Variants in DOK2 observed in about 807,000 individuals in gnomAD.
The protein encoded by DOK2 is docking protein 2, also known as docking protein 2, 56kD.
A neutral mutation model predicts 26.0 loss-of-function variants in DOK2; 28 were observed. That is an observed-to-expected ratio of 1.08 (90% confidence interval 0.80 to 1.48). DOK2 has a LOEUF of 1.48. Among genes scored for constraint, DOK2 ranks in the 40% most tolerant of loss-of-function variants. The probability of loss-of-function intolerance (pLI) is 0.00; values close to 1 mark genes in which losing one functional copy is unlikely to be tolerated. For missense variants in DOK2, 682 were observed against 558.2 expected, an observed-to-expected ratio of 1.22 and a Z score of -2.23; for synonymous variants, 282 against 236.9, an observed-to-expected ratio of 1.19 and a Z score of -1.75.
chr8:21,910,681 G>A lies in DOK2; in HGVS notation c.610C>T (p.Arg204Trp), dbSNP rs766447432. The change falls in exon 4 of 5, where the codon CGG becomes TGG. Residue 204 changes from arginine (R) to tryptophan (W), a missense_variant. Coordinates refer to ENST00000276420, the MANE Select transcript of DOK2 (RefSeq NM_003974.4). Reference protein sequence around the residue: ...WPYRFLRRFGRDKVTFSFEAG... With the variant: ...WPYRFLRRFGWDKVTFSFEAG... The stretch of plus-strand genomic sequence containing the variant: ...TGCAGCTTCCCACTCACCTTGTCCC[G>A]CCCAAAGCGCCGCAGAAACCTGTAG... 19 of 1,613,520 alleles carry A rather than the reference G, an allele frequency of 1.2e-5. No individual in the cohort carries two copies. Among genetic ancestry groups the A allele is most frequent in the South Asian group, 4.4e-5 (4 of 91,032 alleles).
chr8:21,912,169 A>T (rs1170127568), intron 2 of DOK2, 60 bp downstream of exon 2: 4 of 1,484,828 alleles, frequency 2.7e-6, no homozygotes, highest in African/African-American at 2.8e-5. Context: ...GCCCACAGGA[A>T]GTATCTAACA....
rs1290796247 is a variant in DOK2 at position 21,909,949 on chromosome 8, C to T, written c.619-18G>A. ...AAGGTTACCTGGACCAGGGAGAAAG[C>T]AGGTTATTGGCCAGGCCACAGGGCA... On this transcript the variant is annotated intron_variant, in intron 4 of 4. Coordinates refer to ENST00000276420, the MANE Select transcript of DOK2 (RefSeq NM_003974.4). The T allele has an allele frequency of 6.3e-7, 1 of 1,597,072 alleles. No homozygotes were observed. Among genetic ancestry groups the T allele is most frequent in the Admixed American group, 1.7e-5 (1 of 59,414 alleles).
rs1419899604 is a variant in DOK2 at position 21,910,855 on chromosome 8, C to T, written c.436G>A (p.Gly146Ser). Residue 146 changes from glycine (G) to serine (S), a missense_variant and splice_region_variant, in exon 4 of 5, where the codon GGC (glycine) becomes AGC (serine). By Grantham distance (56) the Gly-to-Ser change is moderately conservative (BLOSUM62 0). Coordinates refer to ENST00000276420, the MANE Select transcript of DOK2 (RefSeq NM_003974.4). The part of the protein sequence containing the change: ...NELYSSAVTV[G>S]PHKEFAVTMR... The stretch of plus-strand genomic sequence containing the variant: ...GTCACAGCAAATTCCTTGTGGGGGC[C>T]GACTGGGGAGAAGAAGAGAGAGAAG... 6.2e-6 allele frequency: 10 copies of T among 1,600,798 alleles called. No individual in the cohort carries two copies. Among genetic ancestry groups the T allele is most frequent in the South Asian group, 1.1e-5 (1 of 89,720 alleles).
In DOK2 at chr8:21,909,073, A is replaced by C; in HGVS notation, c.*238T>G. On this transcript the variant is annotated 3_prime_UTR_variant, in exon 5 of 5. Transcript: ENST00000276420. The stretch of plus-strand genomic sequence containing the variant: ...CCCCAGGTTCCTCCTCAGCTGGGGA[A>C]AGAAAGAGGAGGAAGTGGAAAAAGA... The C allele has an allele frequency of 2.4e-6, 1 of 415,418 alleles. No homozygotes were observed. Among genetic ancestry groups the C allele is most frequent in the Non-Finnish European group, 4.3e-6 (1 of 233,266 alleles). 25.7% of individuals were successfully genotyped at this position (415,418 alleles called of 1,614,324 possible). A position where few individuals can be genotyped will look rare whatever the true frequency, so the allele number is the denominator to read the frequency against.
At chr8:21,912,594 G>C (rs558493086) in intron 1 of DOK2, 84 bp from the exon 2 acceptor site, 1 of 1,360,480 alleles carries the variant, frequency 7.4e-7, no homozygotes, top group Admixed American at 2.8e-5. Context: ...AAGAGGAACC[G>C]TGGGAGGGGG....
chr8:21,909,309 T>C lies in DOK2; in HGVS notation c.*2A>G, dbSNP rs1403131756. 6.6e-7 allele frequency: 1 copy of C among 1,525,092 alleles called. No homozygotes were observed. Among genetic ancestry groups the C allele is most frequent in the Non-Finnish European group, 8.8e-7 (1 of 1,136,400 alleles). 94.5% of individuals were successfully genotyped at this position (1,525,092 alleles called of 1,614,324 possible). On this transcript the variant is annotated 3_prime_UTR_variant, in exon 5 of 5. Coordinates refer to ENST00000276420, the MANE Select transcript of DOK2 (RefSeq NM_003974.4). ...CGGTGGACCATCCCTCTGCTGCCTCTGTCACTTTGGGCCTTTCTTTAGTAC... is the reference window on the plus strand; with the variant it reads ...CGGTGGACCATCCCTCTGCTGCCTCCGTCACTTTGGGCCTTTCTTTAGTAC...
Position 21,911,919 on chromosome 8 carries a change from A to G in DOK2, c.415T>C (p.Tyr139His), listed in dbSNP as rs1809862838. The G allele has an allele frequency of 6.4e-7, 1 of 1,562,592 alleles. No homozygotes were observed. Among genetic ancestry groups the G allele is most frequent in the Non-Finnish European group, 8.7e-7 (1 of 1,153,310 alleles). The change falls in exon 3 of 5, where the codon TAC becomes CAC. Residue 139 changes from tyrosine to histidine, a missense_variant. Transcript: ENST00000276420. Reference sequence around the variant, plus strand: ...CCCTCACCTGTGACTGCGCTGCTGTACAATTCATTTTCCTCCATGCAGGGC... The same window carrying G: ...CCCTCACCTGTGACTGCGCTGCTGTGCAATTCATTTTCCTCCATGCAGGGC... ...SRPCMEENEL[Y>H]SSAVTVGPHK...
chr8:21,910,037 A>G (rs1406340283), intron 4 of DOK2, 106 bp from the exon 5 acceptor site: 2 of 1,309,638 alleles, frequency 1.5e-6, no homozygotes, highest in East Asian at 4.9e-5. Flanking sequence ...GCTGGAGTGC[A>G]GTGGCACAAT....
Position 21,909,754 on chromosome 8 carries a change from G to C in DOK2, c.796C>G (p.Arg266Gly), listed in dbSNP as rs74909419. ...QPATIPASLP[R>G]PDSPYSRPHD... ...GGCCGAGAGTAGGGGCTATCAGGCC[G>C]GGGCAGCGACGCGGGGATTGTGGCT... Residue 266 changes from arginine to glycine, a missense_variant, in exon 5 of 5, where the codon CGG becomes GGG. Transcript: ENST00000276420. 5 of 1,613,684 alleles carry C rather than the reference G, an allele frequency of 3.1e-6. No individual in the cohort carries two copies. The highest frequency in any genetic ancestry group is 4.2e-6 in the Non-Finnish European group (5 of 1,180,042).
In DOK2 at chr8:21,909,332, TACA is replaced by T; in HGVS notation, c.1215_1217del (p.Val406del). 6.5e-7 allele frequency: 1 copy of T among 1,541,166 alleles called. No homozygotes were observed. Among genetic ancestry groups the T allele is most frequent in the Non-Finnish European group, 8.7e-7 (1 of 1,143,966 alleles). ...TCTGTCACTTTGGGCCTTTCTTTAG[TACA>T]ACATTGTCATACTCAGTTCCTGGCT... On this transcript the variant is annotated inframe_deletion, in exon 5 of 5. Transcript: ENST00000276420.
intron 3 of DOK2, among the ~76,000 whole-genome samples, 196 bp downstream of exon 3, chr8:21,911,705 T>C (rs901833643): frequency 2.0e-5 from 3 of 151,998 alleles, no homozygotes; most frequent in African/African-American, 7.3e-5. Flanking sequence ...AGGGAGAGAC[T>C]CAAGGCAGGG....
At chr8:21,912,583 G>A in intron 1 of DOK2, 73 bp from the exon 2 acceptor site, 1 of 1,422,402 alleles carries the variant, frequency 7.0e-7, no homozygotes, top group Admixed American at 2.8e-5. Context: ...GCCAAGGGGA[G>A]AAGAGGAACC....
At position 21,910,791 on chromosome 8, in the gene DOK2, C is replaced by G. The variant is rs982200824; in HGVS notation, c.500G>C (p.Arg167Pro). The stretch of plus-strand genomic sequence containing the variant: ...CCCAGCCCGGAGGGTATAGGACCCC[C>G]GCAGGTGGCACCTCTCACTGGCTTC... ...PTEASERCHL[R>P]GSYTLRAGES... Residue 167 changes from arginine to proline, a missense_variant, in exon 4 of 5, where the codon CGG (arginine) becomes CCG (proline). By Grantham distance (103) the Arg-to-Pro change is moderately radical. Transcript: ENST00000276420. 1 of 1,613,848 alleles carries G rather than the reference C, an allele frequency of 6.2e-7. No homozygotes were observed. The highest frequency in any genetic ancestry group is 8.5e-7 in the Non-Finnish European group (1 of 1,179,932).
chr8:21,912,139 C>G (rs1347058213), intron 2 of DOK2, 90 bp downstream of exon 2: 2 of 1,474,838 alleles, frequency 1.4e-6, no homozygotes, highest in African/African-American at 1.4e-5. Context: ...ATCACCCTGA[C>G]CTTGACACCT....
chr8:21,912,391 G>A lies in DOK2; in HGVS notation c.183C>T (p.Arg61=), dbSNP rs1288994669. ...CGGCCACCCGCAGGCAGTCACTGAGGCGGATGACCTTCCGGGCAGCCTCAC... is the reference window on the plus strand; with the variant it reads ...CGGCCACCCGCAGGCAGTCACTGAGACGGATGACCTTCCGGGCAGCCTCAC... ...RRCEAARKVI[R]LSDCLRVAEA... is the part of the protein sequence containing the mutation. The change falls in exon 2 of 5, where the codon CGC becomes CGT. Residue 61 remains arginine (R), a synonymous_variant. Transcript: ENST00000276420. 1 of 1,600,016 alleles carries A rather than the reference G, an allele frequency of 6.2e-7. No homozygotes were observed. The highest frequency in any genetic ancestry group is 1.3e-5 in the African/African-American group (1 of 74,684).
At chr8:21,912,571 G>C in intron 1 of DOK2, 61 bp from the exon 2 acceptor site, 2 of 1,438,722 alleles carry the variant, frequency 1.4e-6, no homozygotes, top group Non-Finnish European at 1.8e-6. Context: ...GGGAGATCGT[G>C]AGCCAAGGGG....
Position 21,913,677 on chromosome 8 carries a change from T to C in DOK2, c.-76A>G. On this transcript the variant is annotated 5_prime_UTR_variant, in exon 1 of 5. Coordinates refer to ENST00000276420, the MANE Select transcript of DOK2 (RefSeq NM_003974.4). ...CCTTGCCTCTCTCTTCTTAGCCGTG[T>C]GTTTCCCTTCTCTGAAGTTCATTTC... 6 of 1,555,200 alleles carry C rather than the reference T, an allele frequency of 3.9e-6. No homozygotes were observed. Among genetic ancestry groups the C allele is most frequent in the Non-Finnish European group, 4.4e-6 (5 of 1,129,748 alleles).
intron 3 of DOK2, 76 bp downstream of exon 3, chr8:21,911,825 G>A: frequency 6.9e-6 from 10 of 1,444,626 alleles, no homozygotes; most frequent in Non-Finnish European, 9.2e-6. Flanking sequence ...CCAGCAGCTA[G>A]CCAGCCCACA....
intron 3 of DOK2, 155 bp from the exon 4 acceptor site, chr8:21,911,012 G>T: frequency 1.1e-6 from 1 of 875,340 alleles, no homozygotes; most frequent in Non-Finnish European, 1.7e-6. Context: ...AGGCTGAGCT[G>T]CTCTGTGCCA....
Sources: gnomAD v4.1 joint callset for allele counts (sites outside exome capture counted in the v4.1 genomes callset) on GRCh38, gnomAD v4.1.1 for gene constraint, MANE v1.5 for transcripts, NCBI Gene and HGNC (gene_info 2026-07-23, HGNC 2026-07-21) for gene names.